The following RSU1 variants were observed in gnomAD, a reference collection of about 807,000 sequenced individuals.
RSU1 encodes rsu-1.
Under a neutral mutation model 31.1 loss-of-function variants are expected in RSU1, and 26 were observed. That is an observed-to-expected ratio of 0.84 (90% confidence interval 0.61 to 1.16). The LOEUF is 1.16. RSU1 is among the 50% of genes most tolerant of loss of function. RSU1 has a pLI of 0.00. For missense variants in RSU1, 320 were observed against 339.1 expected, an observed-to-expected ratio of 0.94 and a Z score of 0.44; for synonymous variants, 164 against 136.3, an observed-to-expected ratio of 1.20 and a Z score of -1.41.
At chr10:16,712,311 C>A (rs1588486569) in intron 7 of RSU1, among the ~76,000 whole-genome samples, 1 of 152,046 alleles carries the variant, frequency 6.6e-6, no homozygotes, top group East Asian at 1.9e-4. Flanking sequence ...AAATTTGAGA[C>A]TTTAATCCAT....
intron 7 of RSU1, among the ~76,000 whole-genome samples, chr10:16,743,796 G>A (rs986702440): frequency 2.3e-4 from 35 of 152,052 alleles, no homozygotes; most frequent in African/African-American, 8.0e-4. Context: ...GCTTATTCTA[G>A]ACATAGTTAA....
intron 8 of RSU1, among the ~76,000 whole-genome samples, chr10:16,598,377 AAAAGT>A (rs1194293204): frequency 6.8e-6 from 1 of 147,376 alleles, no homozygotes; most frequent in African/African-American, 2.7e-5. Context: ...TATCTCTACA[AAAAGT>A]AAAGTAAAAA....
chr10:16,711,920 C>T (rs745802393), intron 7 of RSU1, among the ~76,000 whole-genome samples: 1 of 152,088 alleles, frequency 6.6e-6, no homozygotes, highest in African/African-American at 2.4e-5. Flanking sequence ...TAGTTTTAGT[C>T]TGATATTTCT....
intron 7 of RSU1, chr10:16,721,294 G>A (rs879697390): frequency 6.6e-6 from 1 of 152,338 alleles, no homozygotes; most frequent in Admixed American, 6.5e-5. Flanking sequence ...TCTGGAGGCG[G>A]AAAGCAAAAA....
At chr10:16,803,663 C>G (rs1838206989) in intron 2 of RSU1, among the ~76,000 whole-genome samples, 2 of 152,062 alleles carry the variant, frequency 1.3e-5, no homozygotes, top group African/African-American at 4.8e-5. Flanking sequence ...ATAGAAAGCC[C>G]AGAAATAGAC....
chr10:16,679,146 A>G (rs1272001243), intron 8 of RSU1, among the ~76,000 whole-genome samples: 1 of 152,182 alleles, frequency 6.6e-6, no homozygotes, highest in African/African-American at 2.4e-5. Flanking sequence ...CACCAAAAAC[A>G]ATGAACTGTA....
intron 2 of RSU1, among the ~76,000 whole-genome samples, chr10:16,804,957 A>G (rs1449762726): frequency 6.6e-6 from 1 of 152,150 alleles, no homozygotes; most frequent in Non-Finnish European, 1.5e-5. Context: ...TATACAGTGA[A>G]CCCTGATGTT....
intron 8 of RSU1, among the ~76,000 whole-genome samples, chr10:16,618,000 A>T (rs1257308093): frequency 6.6e-6 from 1 of 152,240 alleles, no homozygotes; most frequent in Non-Finnish European, 1.5e-5. Flanking sequence ...AATTAAACTA[A>T]AGAGCTTCTG....
chr10:16,798,272 C>T (rs988869529), intron 2 of RSU1, among the ~76,000 whole-genome samples: 4 of 152,120 alleles, frequency 2.6e-5, no homozygotes, highest in Non-Finnish European at 5.9e-5. Context: ...AAGGAAAGAG[C>T]TCATAGACTA....
At chr10:16,747,370 T>C (rs10904798) in intron 7 of RSU1, among the ~76,000 whole-genome samples, 20,417 of 152,130 alleles carry the variant, frequency 0.13, 1,571 homozygotes, top group African/African-American at 0.21. Context: ...TGAGACACCC[T>C]TAAGGCATCT....
intron 4 of RSU1, among the ~76,000 whole-genome samples, chr10:16,762,273 C>T (rs1234386583): frequency 6.6e-6 from 1 of 151,496 alleles, no homozygotes; most frequent in African/African-American, 2.4e-5. Context: ...GTGCCAAGCA[C>T]TGTTCCTAGT....
At chr10:16,657,810 T>C (rs1834815327) in intron 8 of RSU1, among the ~76,000 whole-genome samples, 1 of 152,012 alleles carries the variant, frequency 6.6e-6, no homozygotes, top group Admixed American at 6.6e-5. Context: ...CTGGCCAACA[T>C]GGTGAAACCC....
intron 8 of RSU1, among the ~76,000 whole-genome samples, chr10:16,688,346 C>G (rs533978185): frequency 2.0e-5 from 3 of 152,264 alleles, no homozygotes; most frequent in Non-Finnish European, 4.4e-5. Flanking sequence ...GTGGCTCAGG[C>G]CTGTAATCCC....
chr10:16,647,233 A>G (rs901061787), intron 8 of RSU1, among the ~76,000 whole-genome samples: 127 of 152,226 alleles, frequency 8.3e-4, no homozygotes, highest in African/African-American at 2.9e-3. Context: ...CGGCCTCCCA[A>G]AGTGTTGGGA....
chr10:16,594,399 C>T (rs1023652983), intron 8 of RSU1, among the ~76,000 whole-genome samples: 1 of 151,390 alleles, frequency 6.6e-6, no homozygotes, highest in Non-Finnish European at 1.5e-5. Flanking sequence ...TTAGCATATA[C>T]TGGCGTCCGG....
chr10:16,699,119 A>C (rs1835736896), intron 7 of RSU1, among the ~76,000 whole-genome samples: 1 of 152,240 alleles, frequency 6.6e-6, no homozygotes, highest in Non-Finnish European at 1.5e-5. Context: ...GCAAACCTTA[A>C]AGGAGGAAAC....
At chr10:16,680,809 A>G (rs1012123910) in intron 8 of RSU1, among the ~76,000 whole-genome samples, 11 of 152,296 alleles carry the variant, frequency 7.2e-5, no homozygotes, top group Admixed American at 4.6e-4. Context: ...TTGGGTGCGG[A>G]CAGATATCCA....
chr10:16,755,595 C>A (rs1434068087), intron 4 of RSU1, among the ~76,000 whole-genome samples: 1 of 151,644 alleles, frequency 6.6e-6, no homozygotes, highest in South Asian at 2.1e-4. Flanking sequence ...TTTTTTTTGT[C>A]TTTTGTGGTG....
In RSU1 at chr10:16,745,210, T is replaced by C. The variant is rs1836826433; in HGVS notation, c.598+7329A>G. 2.0e-5 allele frequency among the ~76,000 whole-genome samples: 3 copies of C among 152,322 alleles called. No homozygotes were observed. The East Asian group carries it at 5.8e-4, about 29-fold the overall frequency. ...GTGCCCGTATGTGTATGTGCGTGTG[T>C]GTGTTCATTTACCTAACATTCACTG... On this transcript the variant is annotated intron_variant, in intron 7 of 8. Transcript: ENST00000345264.
Sources: allele counts gnomAD v4.1 joint callset (sites outside exome capture counted in the v4.1 genomes callset), GRCh38; gene constraint gnomAD v4.1.1; transcripts MANE v1.5; gene names NCBI Gene and HGNC (gene_info 2026-07-23, HGNC 2026-07-21).